PMS1: variants seen among roughly 807,000 people sequenced by gnomAD.
PMS1 encodes the protein PMS1 homolog 1, mismatch repair system component.
Under a neutral mutation model 93.1 loss-of-function variants are expected in PMS1, and 79 were observed. That is an observed-to-expected ratio of 0.85 (90% CI 0.71 to 1.02). The LOEUF is 1.02. PMS1 is among the 50% of genes least tolerant of loss of function. The probability of loss-of-function intolerance (pLI) is 0.00; values close to 1 mark genes in which losing one functional copy is unlikely to be tolerated. For synonymous variants in PMS1, 335 were observed against 363.4 expected (o/e 0.92, Z 0.89); for missense variants, 1,064 against 1,085.3 (o/e 0.98, Z 0.28).
rs748274684 is a variant in PMS1 at position 189,864,212 on chromosome 2, A to G, written c.2326A>G (p.Ile776Val). Residue 776 changes from isoleucine to valine, a missense_variant, in exon 10 of 13, where the codon ATT becomes GTT. By Grantham distance (29) the Ile-to-Val change is conservative. Coordinates refer to ENST00000441310, the MANE Select transcript of PMS1 (RefSeq NM_000534.5). ...KLPAEPLEKP[I>V]MLTESLFNGS... Reference sequence around the variant, plus strand: ...TCCTGCAGAGCCACTGGAAAAGCCAATTATGTTAACAGAGAGGTATGATGA... The same window carrying G: ...TCCTGCAGAGCCACTGGAAAAGCCAGTTATGTTAACAGAGAGGTATGATGA... 1.0e-5 allele frequency: 16 copies of G among 1,602,866 alleles called. No homozygotes were observed. Among genetic ancestry groups the G allele is most frequent in the Non-Finnish European group, 1.3e-5 (15 of 1,170,372 alleles).
intron 4 of PMS1, among the ~76,000 whole-genome samples, chr2:189,817,156 A>C (rs2051382739): frequency 2.6e-5 from 4 of 152,200 alleles, no homozygotes. Context: ...TGCACAGAAC[A>C]GTCCCCCACA....
chr2:189,847,971 G>T (rs1015929685), intron 6 of PMS1, among the ~76,000 whole-genome samples: 1 of 152,096 alleles, frequency 6.6e-6, no homozygotes, highest in Non-Finnish European at 1.5e-5. Context: ...CTTGGCCGGG[G>T]GAAAATTCAG....
chr2:189,806,025 A>G, intron 4 of PMS1: 2 of 1,017,318 alleles, frequency 2.0e-6, no homozygotes, highest in Non-Finnish European at 2.7e-6. Flanking sequence ...TTATTTTACC[A>G]GTGCTGGATT....
At chr2:189,832,412 A>G (rs115433039) in intron 5 of PMS1, among the ~76,000 whole-genome samples, 288 of 152,292 alleles carry the variant, frequency 1.9e-3, no homozygotes, top group African/African-American at 6.4e-3. Context: ...GAAATGAGCA[A>G]TTGCCTCAGG....
At chr2:189,802,262 A>G (rs2049956925) in intron 3 of PMS1, among the ~76,000 whole-genome samples, 2 of 152,138 alleles carry the variant, frequency 1.3e-5, no homozygotes. Flanking sequence ...TTAAAACTTA[A>G]CTACTGTTGA....
At position 189,877,314 on chromosome 2, in the gene PMS1, T is replaced by G; in HGVS notation, c.2677T>G (p.Ser893Ala). Reference sequence around the variant, plus strand: ...ATCCAGACAATTACCCATGTACTTATCAAAAGAGGACATCCAAGACATTAT... The same window carrying G: ...ATCCAGACAATTACCCATGTACTTAGCAAAAGAGGACATCCAAGACATTAT... ...RLSRQLPMYL[S>A]KEDIQDIIYR... Residue 893 changes from serine (S) to alanine (A), a missense_variant, in exon 13 of 13, where the codon TCA becomes GCA. Transcript: ENST00000441310. 6.2e-7 allele frequency: 1 copy of G among 1,613,668 alleles called. No individual in the cohort carries two copies. Among genetic ancestry groups the G allele is most frequent in the Admixed American group, 1.7e-5 (1 of 60,032 alleles).
intron 3 of PMS1, among the ~76,000 whole-genome samples, chr2:189,801,794 CTTGA>C (rs1203091501): frequency 6.6e-6 from 1 of 151,752 alleles, no homozygotes; most frequent in East Asian, 1.9e-4. Context: ...CTTACAGTGT[CTTGA>C]ATATTGTGTA....
In PMS1 at chr2:189,864,715, T is replaced by A. The variant is rs1158134679; in HGVS notation, c.2342+487T>A. Among the ~76,000 whole-genome samples the A allele has an allele frequency of 3.9e-4, 30 of 76,808 alleles. 1 individual carries two copies. The highest frequency in any genetic ancestry group is 1.6e-3 in the South Asian group (3 of 1,880). The allele number at this position is 76,808 out of a possible 152,430, so 50.4% of individuals were successfully genotyped here. A position where few individuals can be genotyped will look rare whatever the true frequency, so the allele number is the denominator to read the frequency against. On this transcript the variant is annotated intron_variant, in intron 10 of 12. Coordinates refer to ENST00000441310, the MANE Select transcript of PMS1 (RefSeq NM_000534.5). Reference sequence around the variant, plus strand: ...ATATATATATATATATATATATATATATATATATATATATATATATGATTT... The same window carrying A: ...ATATATATATATATATATATATATAAATATATATATATATATATATGATTT...
At chr2:189,823,282 T>C (rs1334962085) in intron 5 of PMS1, among the ~76,000 whole-genome samples, 1 of 152,198 alleles carries the variant, frequency 6.6e-6, no homozygotes, top group African/African-American at 2.4e-5. Context: ...AATTTATTTT[T>C]ATTATTGTAC....
At chr2:189,809,109 C>T (rs3791770) in intron 4 of PMS1, among the ~76,000 whole-genome samples, 34,179 of 152,072 alleles carry the variant, frequency 0.22, 4,048 homozygotes, top group African/African-American at 0.28. Context: ...TAAATTCCTA[C>T]GGTGTGTGAT....
intron 6 of PMS1, among the ~76,000 whole-genome samples, chr2:189,845,560 A>G (rs2054184379): frequency 6.6e-6 from 1 of 151,978 alleles, no homozygotes; most frequent in East Asian, 1.9e-4. Flanking sequence ...AATCCAGTTC[A>G]TTACGTCTTT....
rs1256292950 is a variant in PMS1 at position 189,854,371 on chromosome 2, G to T, written c.1099G>T (p.Asp367Tyr). ...DIVLSKTAET[D>Y]VLFNKVESSG... ...CGTTCTTAGTAAAACAGCAGAAACA[G>T]ATGTGCTTTTTAATAAAGTGGAATC... The change falls in exon 9 of 13, where the codon GAT becomes TAT. Residue 367 changes from aspartate (D) to tyrosine (Y), a missense_variant. By Grantham distance (160) the Asp-to-Tyr change is radical (BLOSUM62 -3). Coordinates refer to ENST00000441310, the MANE Select transcript of PMS1 (RefSeq NM_000534.5). The T allele has an allele frequency of 6.2e-7, 1 of 1,602,670 alleles. No homozygotes were observed. The highest frequency in any genetic ancestry group is 2.2e-5 in the East Asian group (1 of 44,630).
rs757185669 is a variant in PMS1, at chr2:189,844,009, C to G, written c.628C>G (p.Leu210Val). Reference sequence around the variant, plus strand: ...CAGAGTATCAGATCACAAGATGGCTCTCATGTCAGTTCTGGGGACTGCTGT... The same window carrying G: ...CAGAGTATCAGATCACAAGATGGCTGTCATGTCAGTTCTGGGGACTGCTGT... ...KSRVSDHKMA[L>V]MSVLGTAVMN... Residue 210 changes from leucine (L) to valine (V), a missense_variant, in exon 6 of 13, where the codon CTC becomes GTC. Physicochemically the swap from Leu to Val is conservative, Grantham distance 32. Transcript: ENST00000441310. 6.2e-7 allele frequency: 1 copy of G among 1,614,002 alleles called. No homozygotes were observed. The highest frequency in any genetic ancestry group is 8.5e-7 in the Non-Finnish European group (1 of 1,179,948).
chr2:189,829,502 A>G (rs1044398745), intron 5 of PMS1, among the ~76,000 whole-genome samples: 2 of 152,034 alleles, frequency 1.3e-5, no homozygotes, highest in Non-Finnish European at 2.9e-5. Context: ...GTGGTCCATC[A>G]TTATCATCCT....
chr2:189,852,811 T>G, intron 7 of PMS1, 34 bp downstream of exon 7: 1 of 1,392,290 alleles, frequency 7.2e-7, no homozygotes, highest in Non-Finnish European at 1.0e-6. Context: ...ATTATTTGAA[T>G]TGGAAATTTG....
intron 9 of PMS1, among the ~76,000 whole-genome samples, 157 bp from the exon 10 acceptor site, chr2:189,863,586 T>C (rs1457163413): frequency 6.6e-6 from 1 of 152,196 alleles, no homozygotes; most frequent in Non-Finnish European, 1.5e-5. Flanking sequence ...TTGTTCAGTG[T>C]TTGTCATAGT....
At chr2:189,795,424 A>G (rs1371117224) in intron 2 of PMS1, among the ~76,000 whole-genome samples, 1 of 152,224 alleles carries the variant, frequency 6.6e-6, no homozygotes, top group African/African-American at 2.4e-5. Context: ...GGGGCCATGC[A>G]TACCAAAGGT....
At chr2:189,793,893 G>C (rs564596302) in intron 2 of PMS1, among the ~76,000 whole-genome samples, 1 of 152,050 alleles carries the variant, frequency 6.6e-6, no homozygotes, top group Non-Finnish European at 1.5e-5. Flanking sequence ...TTAATTAAAC[G>C]TGATGGTACT....
At chr2:189,827,986 T>G (rs182210840) in intron 5 of PMS1, among the ~76,000 whole-genome samples, 2 of 151,598 alleles carry the variant, frequency 1.3e-5, no homozygotes, top group East Asian at 3.9e-4. Context: ...TGCAGTGGTG[T>G]GATCTCGGCT....
Sources: gnomAD v4.1 joint callset for allele counts (sites outside exome capture counted in the v4.1 genomes callset) on GRCh38, gnomAD v4.1.1 for gene constraint, MANE v1.5 for transcripts, NCBI Gene and HGNC (gene_info 2026-07-23, HGNC 2026-07-21) for gene names.